EPHA5: variants seen among roughly 807,000 people sequenced by gnomAD.
EPHA5 encodes the protein ephrin type-A receptor 5.
EPHA5 carries 60 observed loss-of-function variants against 105.0 expected under a neutral mutation model. The observed-to-expected ratio is 0.57, with a 90% CI of 0.46 to 0.71. The LOEUF (loss-of-function observed/expected upper bound fraction) is 0.71. Ranked by LOEUF, EPHA5 falls within the 30% of genes least tolerant of loss-of-function variation. The pLI is 0.00. For missense variants in EPHA5, 1,218 were observed against 1,274.7 expected (o/e 0.96, Z 0.68); for synonymous variants, 513 against 449.1 (o/e 1.14, Z -1.80).
At chr4:65,659,319 GAAAAAAAAAAAAAAAAAAAA>G (rs5858980) in intron 1 of EPHA5, among the ~76,000 whole-genome samples, 2 of 71,602 alleles carry the variant, frequency 2.8e-5, no homozygotes, top group South Asian at 5.9e-4. Context: ...TAGAGTAACA[GAAAAAAAAAAAAAAAAAAAA>G]AAAAAAAAAA....
At chr4:65,552,685 CACA>C (rs1395706107) in intron 3 of EPHA5, among the ~76,000 whole-genome samples, 2 of 152,064 alleles carry the variant, frequency 1.3e-5, no homozygotes, top group African/African-American at 4.8e-5. Context: ...AGTGTCAGGT[CACA>C]ACATTATTTA....
intron 5 of EPHA5, among the ~76,000 whole-genome samples, chr4:65,443,050 G>A (rs1018010558): frequency 2.6e-5 from 4 of 152,034 alleles, no homozygotes; most frequent in African/African-American, 9.7e-5. Context: ...TTCAAAGAAC[G>A]ATGCTAGAAA....
intron 3 of EPHA5, among the ~76,000 whole-genome samples, chr4:65,542,031 C>G (rs1287706931): frequency 6.6e-6 from 1 of 151,864 alleles, no homozygotes; most frequent in South Asian, 2.1e-4. Context: ...TCAAGAAGTT[C>G]TTTGAAACCA....
intron 7 of EPHA5, among the ~76,000 whole-genome samples, chr4:65,407,257 G>T (rs1722451681): frequency 1.3e-5 from 2 of 152,104 alleles, no homozygotes; most frequent in African/African-American, 4.8e-5. Flanking sequence ...TAATGTGCCA[G>T]TTTGGGAACT....
At position 65,351,332 on chromosome 4, in the gene EPHA5, C is replaced by A. The variant is rs1234401499; in HGVS notation, c.2445+57G>T. The A allele has an allele frequency of 4.1e-6, 6 of 1,474,302 alleles. No homozygotes were observed. The Admixed American group carries it at 7.6e-5, about 19-fold the overall frequency. 91.3% of individuals were successfully genotyped at this position (1,474,302 alleles called of 1,614,324 possible). A position where few individuals can be genotyped will look rare whatever the true frequency, so the allele number is the denominator to read the frequency against. On this transcript the variant is annotated intron_variant, in intron 13 of 16. Coordinates refer to ENST00000613740, the MANE Select transcript of EPHA5 (RefSeq NM_001281766.3). ...CTCTTTTAGCTATTTCTTTCAGAAT[C>A]TTTAAAAATAAATGGCTCTGGTCTA... is the stretch of plus-strand genomic sequence containing the variant.
At chr4:65,477,393 G>A (rs527458152) in intron 5 of EPHA5, among the ~76,000 whole-genome samples, 2 of 151,944 alleles carry the variant, frequency 1.3e-5, no homozygotes, top group African/African-American at 4.8e-5. Context: ...ATCACTTCAT[G>A]TTTTTTGTTT....
intron 8 of EPHA5, among the ~76,000 whole-genome samples, chr4:65,379,592 T>C (rs1719356724): frequency 6.6e-6 from 1 of 151,690 alleles, no homozygotes; most frequent in Non-Finnish European, 1.5e-5. Flanking sequence ...CTTTGATCAG[T>C]GTCTGGCATA....
intron 14 of EPHA5, among the ~76,000 whole-genome samples, chr4:65,337,330 G>C (rs111644247): frequency 6.6e-6 from 1 of 151,966 alleles, no homozygotes; most frequent in African/African-American, 2.4e-5. Context: ...CTTCTACTTC[G>C]CTGTAATTTC....
At position 65,365,995 on chromosome 4, in the gene EPHA5, C is replaced by T. The variant is rs1403523066; in HGVS notation, c.1924G>A (p.Val642Ile). 1 of 1,609,192 alleles carries T rather than the reference C, an allele frequency of 6.2e-7. No homozygotes were observed. Among genetic ancestry groups the T allele is most frequent in the East Asian group, 2.2e-5 (1 of 44,740 alleles). The stretch of plus-strand genomic sequence containing the variant: ...TCTATCTCCTTAGCAAATTCGTGGA[C>T]AGCTTGATTGGGATCCTCATAGGTA... ...PHTYEDPNQA[V>I]HEFAKEIEAS... Residue 642 changes from valine to isoleucine, a missense_variant, in exon 10 of 17, where the codon GTC (valine) becomes ATC (isoleucine). Around this residue, in one of 3 missense-constraint regions of EPHA5, gnomAD observed 971 missense variants for 1,013.5 expected, o/e 0.96. Transcript: ENST00000613740.
In EPHA5 at chr4:65,382,390, C is replaced by T. The variant is rs77200823; in HGVS notation, c.1794-14966G>A. On this transcript the variant is annotated intron_variant, in intron 8 of 16. Transcript: ENST00000613740. The stretch of plus-strand genomic sequence containing the variant: ...TATAAAACATTAAGTTCTTCCTCCA[C>T]GAATGCCACAGGTAAAGGAATTGAT... Among the ~76,000 whole-genome samples the T allele has an allele frequency of 3.1e-3, 468 of 151,092 alleles. 1 individual carries two copies. The highest frequency in any genetic ancestry group is 0.011 in the African/African-American group (441 of 41,336).
At chr4:65,608,873 T>G (rs1383148100) in intron 2 of EPHA5, among the ~76,000 whole-genome samples, 1 of 152,210 alleles carries the variant, frequency 6.6e-6, no homozygotes, top group African/African-American at 2.4e-5. Context: ...TGCTTATAAA[T>G]TATTTTTTCT....
At chr4:65,569,097 CA>C (rs1274178164) in intron 3 of EPHA5, among the ~76,000 whole-genome samples, 1 of 151,302 alleles carries the variant, frequency 6.6e-6, no homozygotes, top group Non-Finnish European at 1.5e-5. Context: ...TTATATATTT[CA>C]AGTATCTATT....
chr4:65,427,667 A>G (rs908566406), intron 5 of EPHA5, among the ~76,000 whole-genome samples: 3 of 152,208 alleles, frequency 2.0e-5, no homozygotes, highest in Admixed American at 2.0e-4. Flanking sequence ...GCCCTAGCTA[A>G]TCTAAAAACC....
chr4:65,397,854 T>A (rs1721401122), intron 8 of EPHA5, among the ~76,000 whole-genome samples: 1 of 152,112 alleles, frequency 6.6e-6, no homozygotes, highest in Admixed American at 6.6e-5. Flanking sequence ...TTAAGAGTAG[T>A]CATTGTCCCT....
At chr4:65,471,634 T>C (rs1325808758) in intron 5 of EPHA5, among the ~76,000 whole-genome samples, 1 of 152,122 alleles carries the variant, frequency 6.6e-6, no homozygotes, top group African/African-American at 2.4e-5. Flanking sequence ...AGGAAGCAGA[T>C]TTGTCTTGCA....
intron 3 of EPHA5, among the ~76,000 whole-genome samples, chr4:65,575,936 C>G (rs1740850161): frequency 6.7e-6 from 1 of 148,260 alleles, no homozygotes; most frequent in Non-Finnish European, 1.5e-5. Flanking sequence ...AGGACCGTGC[C>G]ACTGCACTGC....
chr4:65,642,422 GTTTTTGTTTGT>G (rs1185169165), intron 2 of EPHA5, among the ~76,000 whole-genome samples: 3 of 151,844 alleles, frequency 2.0e-5, no homozygotes, highest in Non-Finnish European at 4.4e-5. Flanking sequence ...GTTATGCAAT[GTTTTTGTTTGT>G]TTTTTGTTAT....
chr4:65,581,944 T>C (rs887960704), intron 3 of EPHA5, among the ~76,000 whole-genome samples: 2 of 151,762 alleles, frequency 1.3e-5, no homozygotes, highest in African/African-American at 2.4e-5. Flanking sequence ...GCAGGAAGTA[T>C]TCATGTTTTA....
At chr4:65,600,413 T>C (rs1394007954) in intron 3 of EPHA5, among the ~76,000 whole-genome samples, 1 of 152,160 alleles carries the variant, frequency 6.6e-6, no homozygotes, top group East Asian at 1.9e-4. Context: ...TAGTAGATGG[T>C]ATTTCAAAGA....
Sources: allele counts gnomAD v4.1 joint callset (sites outside exome capture counted in the v4.1 genomes callset), GRCh38; gene constraint gnomAD v4.1.1; regional missense constraint gnomAD v4.1.1; transcripts MANE v1.5; gene names NCBI Gene and HGNC (gene_info 2026-07-23, HGNC 2026-07-21).